Variants in KLHDC4 observed in about 807,000 individuals in gnomAD.
KLHDC4 encodes the protein kelch domain containing 4, also known as kelch domain-containing protein 4.
A neutral mutation model predicts 62.4 loss-of-function variants in KLHDC4; 90 were observed. That is an observed-to-expected ratio of 1.44 (90% CI 1.22 to 1.72). KLHDC4 has a LOEUF of 1.72. Ranked by LOEUF, KLHDC4 falls within the 40% of genes most tolerant of loss-of-function variation. The pLI, the probability that KLHDC4 is intolerant of heterozygous loss-of-function variation, is 0.00. For missense variants in KLHDC4, 1,025 were observed against 699.7 expected, an observed-to-expected ratio of 1.47 and a Z score of -5.25; for synonymous variants, 386 against 284.4, an observed-to-expected ratio of 1.36 and a Z score of -3.59.
chr16:87,719,534 G>A lies in KLHDC4; in HGVS notation c.760-4961C>T, dbSNP rs2037823463. ...TACCCAGGGACACAAACACACGGAA[G>A]GCCGCAGGGTCCTCTGCCTAGGAAA... On this transcript the variant is annotated intron_variant, in intron 7 of 11. Transcript: ENST00000270583. 3.9e-5 allele frequency among the ~76,000 whole-genome samples: 6 copies of A among 152,236 alleles called. No homozygotes were observed. In the South Asian group the frequency reaches 1.2e-3, roughly 32 times the overall value.
Position 87,726,927 on chromosome 16 carries a change from G to C in KLHDC4, c.600-3C>G. 6.2e-7 allele frequency: 1 copy of C among 1,613,702 alleles called. No homozygotes were observed. Among genetic ancestry groups the C allele is most frequent in the South Asian group, 1.1e-5 (1 of 91,080 alleles). On this transcript the variant is annotated splice_region_variant and splice_polypyrimidine_tract_variant and intron_variant, in intron 6 of 11. Coordinates refer to ENST00000270583, the MANE Select transcript of KLHDC4 (RefSeq NM_017566.4). ...CGTCGTTGTAGTAGATGTAATCCCT[G>C]GTTAGAAGAACAGCAGCTGTCAGGG... is the stretch of plus-strand genomic sequence containing the variant.
intron 5 of KLHDC4, among the ~76,000 whole-genome samples, chr16:87,745,271 G>A (rs540487592): frequency 1.6e-4 from 24 of 151,310 alleles, no homozygotes; most frequent in African/African-American, 5.3e-4. Flanking sequence ...CCTCTGCTCC[G>A]CCTTCTGCTC....
chr16:87,701,108 CT>C (rs1156833419), exon 1 of KLHDC4: 1 of 181,054 alleles, frequency 5.5e-6, no homozygotes, highest in Non-Finnish European at 1.2e-5. Flanking sequence ...CATGTGCCCC[CT>C]GCCTTGAAAA....
At chr16:87,730,456 G>C in intron 6 of KLHDC4, 96 bp downstream of exon 6, 2 of 1,020,042 alleles carry the variant, frequency 2.0e-6, no homozygotes, top group Admixed American at 2.5e-5. Context: ...TGGGAGGATG[G>C]GTGCGTCTTT....
At chr16:87,735,030 G>A (rs1247736351) in intron 5 of KLHDC4, among the ~76,000 whole-genome samples, 5 of 110,742 alleles carry the variant, frequency 4.5e-5, no homozygotes, top group African/African-American at 8.3e-5. Flanking sequence ...ATTGCCCGAC[G>A]CCCCCTCCCC....
intron 5 of KLHDC4, among the ~76,000 whole-genome samples, chr16:87,742,737 G>A (rs896717091): frequency 4.6e-5 from 7 of 152,142 alleles, no homozygotes; most frequent in Non-Finnish European, 1.0e-4. Flanking sequence ...GAAGACTTGA[G>A]AACCACTACT....
intron 11 of KLHDC4, 44 bp from the exon 12 acceptor site, chr16:87,708,119 C>G: frequency 1.5e-6 from 1 of 659,358 alleles, no homozygotes; most frequent in Non-Finnish European, 2.8e-6. Flanking sequence ...CACATTCAGC[C>G]GAGGGGGAGG....
intron 2 of KLHDC4, among the ~76,000 whole-genome samples, chr16:87,759,002 C>T (rs919363560): frequency 2.0e-5 from 3 of 151,890 alleles, no homozygotes; most frequent in South Asian, 2.1e-4. Flanking sequence ...ATGAGGAAAC[C>T]CCATCTCTAC....
chr16:87,753,060 G>A (rs1240988165), intron 4 of KLHDC4, among the ~76,000 whole-genome samples: 1 of 152,242 alleles, frequency 6.6e-6, no homozygotes, highest in Non-Finnish European at 1.5e-5. Flanking sequence ...AAGGGGCACA[G>A]GCAGGGCAGG....
At chr16:87,730,926 C>T (rs556425756) in intron 5 of KLHDC4, 9 of 260,704 alleles carry the variant, frequency 3.5e-5, no homozygotes, top group South Asian at 2.1e-4. Context: ...AACTGGACTC[C>T]GCCAACATAA....
At chr16:87,758,469 C>T (rs2045339056) in intron 2 of KLHDC4, among the ~76,000 whole-genome samples, 1 of 152,184 alleles carries the variant, frequency 6.6e-6, no homozygotes, top group South Asian at 2.1e-4. Flanking sequence ...TTCTATGACT[C>T]CACTTACGCA....
downstream of KLHDC4, among the ~76,000 whole-genome samples, chr16:87,704,817 C>T (rs189333653): frequency 6.6e-5 from 10 of 152,308 alleles, no homozygotes; most frequent in East Asian, 1.7e-3. Context: ...GGGTGGTTCC[C>T]TTGATGTTCA....
Position 87,761,864 on chromosome 16 carries a change from T to G in KLHDC4, c.191+85A>C, listed in dbSNP as rs563710050. On this transcript the variant is annotated intron_variant, in intron 2 of 11. Coordinates refer to ENST00000270583, the MANE Select transcript of KLHDC4 (RefSeq NM_017566.4). ...GAAAATGTCCCAAGTGCCTGGTCAT[T>G]TACGAAACCTGGTGCTATTTAAAGC... The G allele has an allele frequency of 4.0e-5, 52 of 1,309,090 alleles. No individual in the cohort carries two copies. In the African/African-American group the frequency reaches 7.7e-4, roughly 19 times the overall value. The allele number at this position is 1,309,090 out of a possible 1,614,324, so 81.1% of individuals were successfully genotyped here.
intron 7 of KLHDC4, among the ~76,000 whole-genome samples, chr16:87,725,633 G>C (rs1294953275): frequency 1.3e-5 from 2 of 152,208 alleles, no homozygotes; most frequent in East Asian, 1.9e-4. Context: ...GAAATGTAAA[G>C]GTTGGCAGAG....
chr16:87,702,525 T>G lies in KLHDC4; in HGVS notation c.-11A>C, dbSNP rs546452518. 1.4e-4 allele frequency: 48 copies of G among 354,962 alleles called. No individual in the cohort carries two copies. In the East Asian group the frequency reaches 2.8e-3, roughly 20 times the overall value. 22.0% of individuals were successfully genotyped at this position (354,962 alleles called of 1,614,324 possible). On this transcript the variant is annotated 5_prime_UTR_variant, in exon 1 of 1. Transcript: ENST00000446344. ...CAACTTCCCAGGCATGTCCGTGGCC[T>G]CCTCGGGGGCAGGCGCCCCCTCCTG...
At chr16:87,756,530 A>T (rs1413627813) in intron 2 of KLHDC4, 53 bp from the exon 3 acceptor site, 5 of 1,304,674 alleles carry the variant, frequency 3.8e-6, no homozygotes, top group Non-Finnish European at 5.5e-6. Flanking sequence ...TACCCACCTG[A>T]GCGCTGTCCC....
chr16:87,731,841 G>T (rs188273742), intron 5 of KLHDC4, among the ~76,000 whole-genome samples: 2 of 152,196 alleles, frequency 1.3e-5, no homozygotes, highest in Admixed American at 1.3e-4. Flanking sequence ...CTCCCCACAT[G>T]GGGGAGGACT....
chr16:87,727,090 G>A (rs867742044), intron 6 of KLHDC4, among the ~76,000 whole-genome samples, 166 bp from the exon 7 acceptor site: 2 of 152,116 alleles, frequency 1.3e-5, no homozygotes, highest in Non-Finnish European at 2.9e-5. Flanking sequence ...ACACAGAAAC[G>A]TGGCCGCTTT....
rs574208338 is a variant in KLHDC4, at chr16:87,708,030, C to T, written c.*47G>A. Reference sequence around the variant, plus strand: ...TCACTCAACACGGCTGGGTCCTGGGCGGACGTGGGCACAGCACTTGCCAGG... The same window carrying T: ...TCACTCAACACGGCTGGGTCCTGGGTGGACGTGGGCACAGCACTTGCCAGG... On this transcript the variant is annotated 3_prime_UTR_variant, in exon 12 of 12. Transcript: ENST00000270583. 5.5e-5 allele frequency: 28 copies of T among 509,846 alleles called. No individual in the cohort carries two copies. Among genetic ancestry groups the T allele is most frequent in the Middle Eastern group, 2.9e-4 (1 of 3,404 alleles). The allele number at this position is 509,846 out of a possible 1,614,324, so 31.6% of individuals were successfully genotyped here.
Sources: gnomAD v4.1 joint callset for allele counts (sites outside exome capture counted in the v4.1 genomes callset) on GRCh38, gnomAD v4.1.1 for gene constraint, MANE v1.5 for transcripts, NCBI Gene and HGNC (gene_info 2026-07-23, HGNC 2026-07-21) for gene names.